Variants in TENM4 observed in about 807,000 individuals in gnomAD.
TENM4 encodes the protein teneurin-4.
TENM4 carries 82 observed loss-of-function variants against 243.3 expected under a neutral mutation model. That is an observed-to-expected ratio of 0.34 (90% CI 0.28 to 0.40). The LOEUF is 0.40. TENM4 is among the 10% of genes least tolerant of loss of function. The pLI, the probability that TENM4 is intolerant of heterozygous loss-of-function variation, is 1.00. For missense variants in TENM4, 3,138 were observed against 3,673.3 expected (o/e 0.85, Z 3.77); for synonymous variants, 1,412 against 1,456.3 (o/e 0.97, Z 0.69).
chr11:79,249,928 G>A (rs10899614), intron 2 of TENM4, among the ~76,000 whole-genome samples: 47,723 of 152,136 alleles, frequency 0.31, 8,398 homozygotes, highest in East Asian at 0.55. Flanking sequence ...CATTTATTAC[G>A]TAAACTTTTA....
At chr11:79,050,720 A>C (rs1214623837) in intron 6 of TENM4, among the ~76,000 whole-genome samples, 1 of 152,186 alleles carries the variant, frequency 6.6e-6, no homozygotes, top group Non-Finnish European at 1.5e-5. Context: ...CAGCAAACTC[A>C]TTTAGAAGCC....
intron 29 of TENM4, among the ~76,000 whole-genome samples, chr11:78,686,830 C>G (rs1451566768): frequency 6.6e-6 from 1 of 152,176 alleles, no homozygotes; most frequent in Admixed American, 6.5e-5. Context: ...TGTGGTTTCT[C>G]TTTCTTTGAG....
intron 18 of TENM4, among the ~76,000 whole-genome samples, chr11:78,760,825 T>C (rs1856414128): frequency 6.6e-6 from 1 of 152,228 alleles, no homozygotes; most frequent in African/African-American, 2.4e-5. Flanking sequence ...CCGCGTTCTA[T>C]CCTGATTTGT....
In TENM4 at chr11:79,042,543, C is replaced by A. The variant is rs60270923; in HGVS notation, c.493+22195G>T. Among the ~76,000 whole-genome samples, 807 of 152,322 alleles carry A rather than the reference C, an allele frequency of 5.3e-3. 13 individuals are homozygous for A. In the East Asian group the frequency reaches 0.056, roughly 11 times the overall value. On this transcript the variant is annotated intron_variant, in intron 6 of 33. Coordinates refer to ENST00000278550, the MANE Select transcript of TENM4 (RefSeq NM_001098816.3). ...CCATCTGAGAAGCAGAGGGCAAGCC[C>A]TCACCAGAAACTGAATCTGTTGGTG...
intron 18 of TENM4, among the ~76,000 whole-genome samples, chr11:78,758,060 C>A (rs1856350071): frequency 6.6e-6 from 1 of 152,178 alleles, no homozygotes; most frequent in South Asian, 2.1e-4. Context: ...AAATACATAA[C>A]AAAGAGATAA....
chr11:79,333,849 A>G (rs911870732), intron 1 of TENM4, among the ~76,000 whole-genome samples: 6 of 152,186 alleles, frequency 3.9e-5, no homozygotes, highest in Admixed American at 2.0e-4. Flanking sequence ...TCATCTAGCC[A>G]GTAAGTCATG....
At chr11:79,271,243 C>T (rs747256144) in intron 2 of TENM4, among the ~76,000 whole-genome samples, 2 of 152,102 alleles carry the variant, frequency 1.3e-5, no homozygotes, top group Non-Finnish European at 2.9e-5. Flanking sequence ...CTGAGCCGCC[C>T]GATAAAGCTT....
chr11:78,925,318 AG>A (rs1291094931), intron 6 of TENM4, among the ~76,000 whole-genome samples: 3 of 151,732 alleles, frequency 2.0e-5, no homozygotes, highest in African/African-American at 7.3e-5. Flanking sequence ...AAAAAAAAAA[AG>A]TGTGTATGTA....
chr11:79,435,487 G>T (rs997540031), intron 1 of TENM4, among the ~76,000 whole-genome samples: 1 of 152,148 alleles, frequency 6.6e-6, no homozygotes, highest in African/African-American at 2.4e-5. Context: ...GGTAGAAATC[G>T]GCCCCTTAGA....
Position 78,886,313 on chromosome 11 carries a change from T to A in TENM4, c.1084+3472A>T, listed in dbSNP as rs150267450. On this transcript the variant is annotated intron_variant, in intron 9 of 33. Transcript: ENST00000278550. Reference sequence around the variant, plus strand: ...AAAGGGTCTTTGTTAGGGATATTTGTGCTCAGCTGAGACAATTAATTTGAT... The same window carrying A: ...AAAGGGTCTTTGTTAGGGATATTTGAGCTCAGCTGAGACAATTAATTTGAT... Among the ~76,000 whole-genome samples the A allele has an allele frequency of 2.7e-3, 414 of 152,368 alleles. 3 individuals carry two copies. The highest frequency in any genetic ancestry group is 9.5e-3 in the African/African-American group (397 of 41,580).
chr11:78,842,020 G>C (rs1207803867), intron 12 of TENM4, among the ~76,000 whole-genome samples: 1 of 152,076 alleles, frequency 6.6e-6, no homozygotes, highest in African/African-American at 2.4e-5. Context: ...CATCTCCTCA[G>C]GTACTCTAAG....
chr11:79,015,099 A>T (rs779025853), intron 6 of TENM4, among the ~76,000 whole-genome samples: 1 of 152,234 alleles, frequency 6.6e-6, no homozygotes, highest in Non-Finnish European at 1.5e-5. Context: ...AAGTCTCTGT[A>T]AGAAGTGCAG....
chr11:78,739,767 T>C (rs901273484), intron 19 of TENM4, among the ~76,000 whole-genome samples: 1 of 152,352 alleles, frequency 6.6e-6, no homozygotes, highest in South Asian at 2.1e-4. Context: ...TGAAGGCAAC[T>C]CTGTGGAGTT....
At chr11:79,016,005 C>T (rs1591209821) in intron 6 of TENM4, among the ~76,000 whole-genome samples, 1 of 151,966 alleles carries the variant, frequency 6.6e-6, no homozygotes, top group Non-Finnish European at 1.5e-5. Context: ...AAGGCAAGGG[C>T]GAGCCTGATG....
intron 33 of TENM4, among the ~76,000 whole-genome samples, chr11:78,660,167 G>C (rs537984292): frequency 1.3e-5 from 2 of 152,172 alleles, no homozygotes; most frequent in Non-Finnish European, 2.9e-5. Context: ...ATATCTGGGC[G>C]GGGCCTGGAG....
At chr11:78,976,552 G>T (rs903683073) in intron 6 of TENM4, among the ~76,000 whole-genome samples, 1 of 152,178 alleles carries the variant, frequency 6.6e-6, no homozygotes, top group African/African-American at 2.4e-5. Context: ...AAGGCCTCTT[G>T]CTTGCATTAG....
chr11:78,785,519 T>A (rs755393763), intron 16 of TENM4, among the ~76,000 whole-genome samples: 1 of 152,122 alleles, frequency 6.6e-6, no homozygotes, highest in Non-Finnish European at 1.5e-5. Flanking sequence ...CTCTACCTCT[T>A]TGAAGTTCCG....
chr11:79,298,069 T>C (rs529964951), intron 1 of TENM4, among the ~76,000 whole-genome samples: 1 of 152,168 alleles, frequency 6.6e-6, no homozygotes, highest in Middle Eastern at 3.2e-3. Context: ...CAGTTGACCA[T>C]TGCCCTTATT....
chr11:79,167,994 T>C (rs558193822), intron 3 of TENM4, among the ~76,000 whole-genome samples: 1 of 152,344 alleles, frequency 6.6e-6, no homozygotes, highest in South Asian at 2.1e-4. Flanking sequence ...ACTCTCACCC[T>C]AGACAGTGCC....
Sources: allele counts gnomAD v4.1 joint callset (sites outside exome capture counted in the v4.1 genomes callset), GRCh38; gene constraint gnomAD v4.1.1; transcripts MANE v1.5; gene names NCBI Gene and HGNC (gene_info 2026-07-23, HGNC 2026-07-21).